The following FAM81B variants were observed in gnomAD, a reference collection of about 807,000 sequenced individuals.
FAM81B encodes family with sequence similarity 81 member B.
FAM81B carries 60 observed loss-of-function variants against 58.7 expected under a neutral mutation model. The ratio of observed to expected loss-of-function variants is 1.02; its 90% CI spans 0.83 to 1.27. The LOEUF (loss-of-function observed/expected upper bound fraction) is 1.27. Among genes scored for constraint, FAM81B ranks in the 50% most tolerant of loss-of-function variants. The pLI, the probability that FAM81B is intolerant of heterozygous loss-of-function variation, is 0.00. For missense variants in FAM81B, 491 were observed against 522.0 expected (o/e 0.94, Z 0.58); for synonymous variants, 189 against 179.6 (o/e 1.05, Z -0.42).
At position 95,424,258 on chromosome 5, in the gene FAM81B, C is replaced by T. The variant is rs1176541943; in HGVS notation, c.656+3856C>T. 21 of 1,270,336 alleles carry T rather than the reference C, an allele frequency of 1.7e-5. No individual in the cohort carries two copies. The South Asian group carries it at 1.7e-4, about 11-fold the overall frequency. The allele number at this position is 1,270,336 out of a possible 1,614,324, so 78.7% of individuals were successfully genotyped here. ...CAGTCATGCATATGAATCACTTCCACTATCATCCCCAGATAGACAGAAGAC... is the reference window on the plus strand; with the variant it reads ...CAGTCATGCATATGAATCACTTCCATTATCATCCCCAGATAGACAGAAGAC... On this transcript the variant is annotated intron_variant, in intron 5 of 9. Coordinates refer to ENST00000283357, the MANE Select transcript of FAM81B (RefSeq NM_152548.3).
intron 4 of FAM81B, among the ~76,000 whole-genome samples, chr5:95,417,990 C>T (rs1180516244): frequency 1.3e-5 from 2 of 152,164 alleles, no homozygotes; most frequent in African/African-American, 4.8e-5. Context: ...TGCAGTCCTC[C>T]CACCTTCATC....
intron 1 of FAM81B, among the ~76,000 whole-genome samples, chr5:95,392,053 G>C (rs6862960): frequency 0.037 from 5,558 of 152,212 alleles, 337 homozygotes; most frequent in African/African-American, 0.13. Context: ...ACATGCACAC[G>C]TATGTTTATT....
intron 3 of FAM81B, among the ~76,000 whole-genome samples, chr5:95,413,482 G>T (rs955564044): frequency 2.0e-5 from 3 of 152,166 alleles, no homozygotes; most frequent in African/African-American, 7.2e-5. Flanking sequence ...CTCTAAGGGA[G>T]AGACATCATA....
intron 6 of FAM81B, among the ~76,000 whole-genome samples, chr5:95,431,502 ATAAAC>A (rs1172744766): frequency 2.6e-5 from 4 of 152,066 alleles, no homozygotes; most frequent in Non-Finnish European, 4.4e-5. Context: ...TAAATCAAAA[ATAAAC>A]TATTTTAATC....
chr5:95,417,483 C>A (rs769199155), intron 4 of FAM81B, among the ~76,000 whole-genome samples: 3 of 152,266 alleles, frequency 2.0e-5, no homozygotes, highest in African/African-American at 7.2e-5. Context: ...GTCTCTACAA[C>A]AACAACAACA....
intron 6 of FAM81B, among the ~76,000 whole-genome samples, chr5:95,433,239 ACAGTC>A (rs1744969666): frequency 1.4e-5 from 2 of 146,938 alleles, no homozygotes; most frequent in Non-Finnish European, 3.0e-5. Context: ...GGGAGACCTC[ACAGTC>A]ATGGTGAAAG....
intron 7 of FAM81B, among the ~76,000 whole-genome samples, chr5:95,442,784 A>G (rs1745414616): frequency 6.6e-6 from 1 of 152,224 alleles, no homozygotes; most frequent in African/African-American, 2.4e-5. Flanking sequence ...TTCTACCTGT[A>G]GGTGTAAAGT....
intron 7 of FAM81B, among the ~76,000 whole-genome samples, chr5:95,438,304 G>T (rs949343701): frequency 1.2e-4 from 18 of 152,096 alleles, no homozygotes; most frequent in African/African-American, 4.3e-4. Flanking sequence ...TTAAGACAAA[G>T]AAAACTGTCC....
In FAM81B at chr5:95,392,885, C is replaced by A. The variant is rs370797090; in HGVS notation, c.216C>A (p.Asn72Lys). ...GCCCCCTTCCTGGCTCAGACAATAA[C>A]CAAGAAAAGAAAGCAAGTACTTTTC... ...PDGPLPGSDNNQEKKVRLSPA... is the reference protein window; with the variant it reads ...PDGPLPGSDNKQEKKVRLSPA... The change falls in exon 2 of 10, where the codon AAC (asparagine) becomes AAA (lysine). Residue 72 changes from asparagine (N) to lysine (K), a missense_variant. Transcript: ENST00000283357. 6.2e-7 allele frequency: 1 copy of A among 1,605,786 alleles called. No homozygotes were observed. The highest frequency in any genetic ancestry group is 1.7e-5 in the Admixed American group (1 of 57,598).
intron 6 of FAM81B, among the ~76,000 whole-genome samples, chr5:95,433,580 T>C (rs1744992765): frequency 6.6e-6 from 1 of 152,198 alleles, no homozygotes; most frequent in Non-Finnish European, 1.5e-5. Flanking sequence ...TTTCATCTCA[T>C]TGTAGGTAAA....
At chr5:95,397,577 C>T (rs555310563) in intron 3 of FAM81B, among the ~76,000 whole-genome samples, 18 of 152,072 alleles carry the variant, frequency 1.2e-4, no homozygotes, top group Non-Finnish European at 2.5e-4. Flanking sequence ...AAAATAAATT[C>T]CTGGAAAATG....
At chr5:95,440,025 A>C in intron 7 of FAM81B, 1 of 384,220 alleles carries the variant, frequency 2.6e-6, no homozygotes, top group East Asian at 6.9e-5. Flanking sequence ...TCTCTAAAAA[A>C]GTCTTTTAAC....
rs1417796381 is a variant in FAM81B at position 95,420,327 on chromosome 5, G to T, written c.581G>T (p.Gly194Val). Residue 194 changes from glycine (G) to valine (V), a missense_variant, in exon 5 of 10, where the codon GGA becomes GTA. Transcript: ENST00000283357. Reference sequence around the variant, plus strand: ...AGAGCTCGAGATCAGGCGGCCACAGGAACTAACTTTGCAGTACACGAGATA... The same window carrying T: ...AGAGCTCGAGATCAGGCGGCCACAGTAACTAACTTTGCAGTACACGAGATA... ...QIRARDQAAT[G>V]TNFAVHEINI... 2.5e-5 allele frequency: 40 copies of T among 1,613,736 alleles called. No individual in the cohort carries two copies. The highest frequency in any genetic ancestry group is 3.1e-5 in the Non-Finnish European group (36 of 1,179,732).
At chr5:95,423,686 T>A (rs755939666) in intron 5 of FAM81B, among the ~76,000 whole-genome samples, 38 of 151,964 alleles carry the variant, frequency 2.5e-4, no homozygotes, top group Non-Finnish European at 5.0e-4. Context: ...CTTATTCCAC[T>A]CCTCTTACTT....
At position 95,450,195 on chromosome 5, in the gene FAM81B, G is replaced by A; in HGVS notation, c.1272G>A (p.Gln424=). 2 of 1,612,914 alleles carry A rather than the reference G, an allele frequency of 1.2e-6. No individual in the cohort carries two copies. The highest frequency in any genetic ancestry group is 1.7e-6 in the Non-Finnish European group (2 of 1,179,472). Reference sequence around the variant, plus strand: ...CTCTCAGCTCCCTCCAACAAATACAGAAAACAAAGATGGATTTAGAGAAAT... The same window carrying A: ...CTCTCAGCTCCCTCCAACAAATACAAAAAACAAAGATGGATTTAGAGAAAT... ...HDSLSSLQQI[Q]KTKMDLEKYK... Residue 424 remains glutamine, a synonymous_variant, in exon 10 of 10, where the codon CAG becomes CAA. Transcript: ENST00000283357.
intron 7 of FAM81B, among the ~76,000 whole-genome samples, chr5:95,445,090 T>C (rs1272047350): frequency 6.6e-6 from 1 of 152,200 alleles, no homozygotes; most frequent in African/African-American, 2.4e-5. Flanking sequence ...ACTTGTATTT[T>C]CTAATAATTA....
intron 5 of FAM81B, among the ~76,000 whole-genome samples, chr5:95,423,239 C>T (rs569328182): frequency 1.3e-5 from 2 of 152,282 alleles, no homozygotes; most frequent in African/African-American, 2.4e-5. Flanking sequence ...TTGAATTTTA[C>T]ACTTTATTTC....
intron 8 of FAM81B, among the ~76,000 whole-genome samples, chr5:95,447,421 G>T (rs542969355): frequency 5.4e-4 from 82 of 152,366 alleles, no homozygotes; most frequent in Non-Finnish European, 8.8e-4. Flanking sequence ...AAGAGTTGGA[G>T]ATAAACATAA....
chr5:95,442,465 G>A (rs1449446883), intron 7 of FAM81B, among the ~76,000 whole-genome samples: 4 of 152,164 alleles, frequency 2.6e-5, no homozygotes, highest in African/African-American at 9.7e-5. Context: ...ATAAAATCAT[G>A]GAGATTAATT....
Sources: allele counts gnomAD v4.1 joint callset (sites outside exome capture counted in the v4.1 genomes callset), GRCh38; gene constraint gnomAD v4.1.1; transcripts MANE v1.5; gene names NCBI Gene and HGNC (gene_info 2026-07-23, HGNC 2026-07-21).